Variants in AGBL4 observed in about 807,000 individuals in gnomAD.
AGBL4 encodes AGBL carboxypeptidase 4, also known as cytosolic carboxypeptidase 6.
Under a neutral mutation model 66.4 loss-of-function variants are expected in AGBL4, and 58 were observed. The observed-to-expected ratio is 0.87, with a 90% CI of 0.71 to 1.09. The LOEUF (loss-of-function observed/expected upper bound fraction) is 1.09. AGBL4 is among the 50% of genes least tolerant of loss of function. The pLI is 0.00. For missense variants in AGBL4, 579 were observed against 631.0 expected (o/e 0.92, Z 0.88); for synonymous variants, 234 against 222.9 (o/e 1.05, Z -0.44).
At chr1:49,429,989 C>T (rs2148655339) in intron 3 of AGBL4, among the ~76,000 whole-genome samples, 1 of 152,016 alleles carries the variant, frequency 6.6e-6, no homozygotes, top group South Asian at 2.1e-4. Flanking sequence ...GGACTACAGG[C>T]AAGCATCACC....
chr1:49,859,427 A>T (rs1348385381), intron 1 of AGBL4, among the ~76,000 whole-genome samples: 1 of 152,216 alleles, frequency 6.6e-6, no homozygotes, highest in Non-Finnish European at 1.5e-5. Context: ...TCAGTTCAAC[A>T]TTCAGAAATC....
chr1:49,937,102 G>T (rs879597883), intron 1 of AGBL4, among the ~76,000 whole-genome samples: 106 of 152,216 alleles, frequency 7.0e-4, no homozygotes, highest in Non-Finnish European at 8.4e-4. Flanking sequence ...CCCATCTCAT[G>T]TGCAGAGACA....
At chr1:49,298,314 G>T (rs984451402) in intron 3 of AGBL4, among the ~76,000 whole-genome samples, 1 of 152,204 alleles carries the variant, frequency 6.6e-6, no homozygotes, top group East Asian at 1.9e-4. Context: ...TTAGGGCCAA[G>T]AATTGTTATT....
chr1:48,689,265 A>G (rs1646586030), intron 6 of AGBL4, among the ~76,000 whole-genome samples: 1 of 151,240 alleles, frequency 6.6e-6, no homozygotes, highest in South Asian at 2.1e-4. Context: ...CCTGTCATGG[A>G]GTCCTTATAC....
At chr1:48,803,662 T>C (rs1645858642) in intron 6 of AGBL4, among the ~76,000 whole-genome samples, 2 of 152,214 alleles carry the variant, frequency 1.3e-5, no homozygotes, top group African/African-American at 2.4e-5. Context: ...TCTGAGGCTA[T>C]GAAAAGAGGA....
chr1:50,022,055 C>G (rs1431838484), intron 1 of AGBL4, among the ~76,000 whole-genome samples: 1 of 152,134 alleles, frequency 6.6e-6, no homozygotes, highest in Admixed American at 6.6e-5. Context: ...ACTCTTTGCC[C>G]TTTTTTTCAA....
chr1:49,280,455 C>T (rs1053919540), intron 3 of AGBL4, among the ~76,000 whole-genome samples: 1 of 152,118 alleles, frequency 6.6e-6, no homozygotes, highest in African/African-American at 2.4e-5. Context: ...ATGTCAGTCA[C>T]GGGGCTACAG....
intron 4 of AGBL4, among the ~76,000 whole-genome samples, chr1:49,077,550 A>T (rs1221233848): frequency 1.3e-5 from 2 of 152,178 alleles, no homozygotes; most frequent in Admixed American, 1.3e-4. Flanking sequence ...GGTTTTAGTC[A>T]AGTACATGGA....
intron 3 of AGBL4, among the ~76,000 whole-genome samples, chr1:49,510,105 C>G (rs986563859): frequency 1.4e-4 from 21 of 151,870 alleles, no homozygotes; most frequent in Admixed American, 1.1e-3. Flanking sequence ...GACATTCTCC[C>G]CATAGCATCA....
At chr1:49,432,937 G>C (rs1570703786) in intron 3 of AGBL4, among the ~76,000 whole-genome samples, 1 of 152,100 alleles carries the variant, frequency 6.6e-6, no homozygotes. Flanking sequence ...GAGAGGAGAG[G>C]AGCAGAAAGC....
chr1:49,010,104 C>T (rs1407645748), intron 5 of AGBL4, among the ~76,000 whole-genome samples: 40 of 152,224 alleles, frequency 2.6e-4, no homozygotes, highest in Admixed American at 7.2e-4. Context: ...TCTTTGCAGA[C>T]GACATGATTG....
At chr1:49,996,879 A>G (rs569455701) in intron 1 of AGBL4, among the ~76,000 whole-genome samples, 2 of 152,334 alleles carry the variant, frequency 1.3e-5, no homozygotes, top group African/African-American at 2.4e-5. Flanking sequence ...CAAAAACACA[A>G]GCTAGAAGGT....
At chr1:48,611,654 A>T (rs1318826365) in intron 9 of AGBL4, among the ~76,000 whole-genome samples, 1 of 152,176 alleles carries the variant, frequency 6.6e-6, no homozygotes, top group Non-Finnish European at 1.5e-5. Context: ...CATTATCCTC[A>T]TTTTAAAGAT....
chr1:48,993,220 G>T (rs966828473), intron 5 of AGBL4, among the ~76,000 whole-genome samples: 1 of 152,100 alleles, frequency 6.6e-6, no homozygotes, highest in Non-Finnish European at 1.5e-5. Context: ...GCCAGGACTG[G>T]GTCCTTTTCT....
At chr1:49,926,536 C>T (rs1355089614) in intron 1 of AGBL4, among the ~76,000 whole-genome samples, 1 of 152,164 alleles carries the variant, frequency 6.6e-6, no homozygotes, top group Non-Finnish European at 1.5e-5. Context: ...AGGACCTCAT[C>T]AAATGAAAGT....
chr1:49,082,389 G>A (rs987370719), intron 4 of AGBL4, among the ~76,000 whole-genome samples: 19 of 152,276 alleles, frequency 1.2e-4, no homozygotes, highest in Non-Finnish European at 2.4e-4. Context: ...AAAAGAAAGA[G>A]GTTTAATGGA....
intron 3 of AGBL4, among the ~76,000 whole-genome samples, chr1:49,689,508 T>G (rs1220959108): frequency 6.6e-6 from 1 of 152,208 alleles, no homozygotes; most frequent in Non-Finnish European, 1.5e-5. Context: ...AGTAATGTGA[T>G]TCCTCCAGTT....
At chr1:48,573,176 C>T (rs1644596344) in intron 11 of AGBL4, among the ~76,000 whole-genome samples, 1 of 152,230 alleles carries the variant, frequency 6.6e-6, no homozygotes, top group African/African-American at 2.4e-5. Context: ...TGCTCTTCCC[C>T]TTCACCAGGA....
intron 2 of AGBL4, among the ~76,000 whole-genome samples, chr1:49,839,528 C>T (rs1645935760): frequency 6.6e-6 from 1 of 152,132 alleles, no homozygotes; most frequent in African/African-American, 2.4e-5. Context: ...AAGAGGTCAT[C>T]AAATGAAAGC....
Sources: gnomAD v4.1 joint callset for allele counts (sites outside exome capture counted in the v4.1 genomes callset) on GRCh38, gnomAD v4.1.1 for gene constraint, MANE v1.5 for transcripts, NCBI Gene and HGNC (gene_info 2026-07-23, HGNC 2026-07-21) for gene names.